Variants in RNF213 observed in about 807,000 individuals in gnomAD.
The protein encoded by RNF213 is ring finger protein 213.
Under a neutral mutation model 514.4 loss-of-function variants are expected in RNF213, and 341 were observed. The observed-to-expected ratio is 0.66, with a 90% confidence interval of 0.61 to 0.73. RNF213 has a LOEUF of 0.73. Ranked by LOEUF, RNF213 falls within the 30% of genes least tolerant of loss-of-function variation. RNF213 has a pLI of 0.00. For synonymous variants in RNF213, 2,655 were observed against 2,658.2 expected (o/e 1.00, Z 0.04); for missense variants, 5,767 against 6,615.6 (o/e 0.87, Z 4.45).
intron 3 of RNF213, chr17:80,278,652 C>G: frequency 7.3e-7 from 1 of 1,367,910 alleles, no homozygotes; most frequent in Admixed American, 2.1e-5. Context: ...GTGTCCCTGC[C>G]TGGGCCTTCC....
At position 80,344,756 on chromosome 17, in the gene RNF213, A is replaced by G. The variant is rs1456515683; in HGVS notation, c.6421A>G (p.Met2141Val). Residue 2141 changes from methionine (M) to valine (V), a missense_variant, in exon 29 of 68, where the codon ATG becomes GTG. Met to Val is a conservative substitution (Grantham distance 21). Coordinates refer to ENST00000582970, the MANE Select transcript of RNF213 (RefSeq NM_001256071.3). ...CAGGCCTCCCAAAGAGGTGATAGAC[A>G]TGGAGCTGAGTGCCCTGAGGAGTGA... is the stretch of plus-strand genomic sequence containing the variant. ...TCRPPKEVID[M>V]ELSALRSDTE... 2.5e-5 allele frequency: 40 copies of G among 1,614,070 alleles called. No individual in the cohort carries two copies. In the Admixed American group the frequency reaches 6.5e-4, roughly 26 times the overall value.
rs1568150062 is a variant in RNF213 at position 80,372,560 on chromosome 17, GA to G, written c.12578del (p.Asp4193ValfsTer3). On this transcript the variant is annotated frameshift_variant, in exon 48 of 68. Transcript: ENST00000582970. LOFTEE classifies it high-confidence loss of function. Reference sequence around the variant, plus strand: ...GAAGACCAGTGCTTACTCCAGAAATGATGAACTGAACCACCTAGAAGAGGAA... The same window carrying G: ...GAAGACCAGTGCTTACTCCAGAAATGTGAACTGAACCACCTAGAAGAGGAA... ...LEKTSAYSRN[D>X]ELNHLEEEGR... is the part of the protein sequence containing the mutation. 1 of 1,613,976 alleles carries G rather than the reference GA, an allele frequency of 6.2e-7. No homozygotes were observed. The highest frequency in any genetic ancestry group is 1.7e-5 in the Admixed American group (1 of 59,992).
At chr17:80,310,612 G>A (rs1234688013) in intron 14 of RNF213, among the ~76,000 whole-genome samples, 2 of 151,734 alleles carry the variant, frequency 1.3e-5, no homozygotes, top group South Asian at 4.2e-4. Flanking sequence ...TAGTGCAATG[G>A]CGTGATCTCG....
rs888460534 is a variant in RNF213, at chr17:80,276,089, T to A, written c.261+2685T>A. Among the ~76,000 whole-genome samples the A allele has an allele frequency of 3.0e-4, 45 of 148,090 alleles. No homozygotes were observed. The East Asian group carries it at 3.2e-3, about 10-fold the overall frequency. On this transcript the variant is annotated intron_variant, in intron 3 of 67. Transcript: ENST00000582970. ...TATTTATTTATTTATTTATTTATTT[T>A]TTGTTTTATTTATTTATTTATTTAT...
intron 18 of RNF213, among the ~76,000 whole-genome samples, chr17:80,327,292 G>A (rs1329688730): frequency 6.6e-6 from 1 of 152,210 alleles, no homozygotes; most frequent in African/African-American, 2.4e-5. Flanking sequence ...GAGCCCAGGA[G>A]TTTGAGACCA....
intron 11 of RNF213, among the ~76,000 whole-genome samples, chr17:80,301,922 T>C (rs545734816): frequency 2.0e-5 from 3 of 152,326 alleles, no homozygotes; most frequent in African/African-American, 7.2e-5. Flanking sequence ...AAGTGTTGTC[T>C]ATATACACAG....
At chr17:80,387,492 C>A (rs958481055) in intron 63 of RNF213, among the ~76,000 whole-genome samples, 5 of 152,252 alleles carry the variant, frequency 3.3e-5, no homozygotes, top group African/African-American at 9.6e-5. Context: ...AACCTGCCAG[C>A]AGATGCCATT....
intron 22 of RNF213, among the ~76,000 whole-genome samples, chr17:80,335,321 G>A (rs556133698): frequency 6.6e-6 from 1 of 152,274 alleles, no homozygotes; most frequent in South Asian, 2.1e-4. Context: ...TGGCAGAGGA[G>A]AGAGGAAGAG....
intron 55 of RNF213, among the ~76,000 whole-genome samples, 180 bp from the exon 56 acceptor site, chr17:80,380,651 G>A (rs573391180): frequency 1.3e-4 from 20 of 152,300 alleles, no homozygotes; most frequent in East Asian, 3.9e-4. Context: ...CTGGTCCACC[G>A]GAAAGGCGAG....
chr17:80,291,837 G>A lies in RNF213; in HGVS notation c.1471+10G>A. On this transcript the variant is annotated intron_variant, in intron 8 of 67. Transcript: ENST00000582970. ...CTTCTGGGCTCAGGAGGTAAGTCGTGGCAGCAGGCTGTCTGCTCACCCCTC... is the reference window on the plus strand; with the variant it reads ...CTTCTGGGCTCAGGAGGTAAGTCGTAGCAGCAGGCTGTCTGCTCACCCCTC... 2 of 1,614,048 alleles carry A rather than the reference G, an allele frequency of 1.2e-6. No individual in the cohort carries two copies. The highest frequency in any genetic ancestry group is 1.7e-6 in the Non-Finnish European group (2 of 1,180,016).
In RNF213 at chr17:80,319,389, A is replaced by T. The variant is rs55996424; in HGVS notation, c.3024+77A>T. The T allele has an allele frequency of 0.19, 302,279 of 1,614,060 alleles. 34,844 individuals carry two copies. The highest frequency in any genetic ancestry group is 0.62 in the East Asian group (27,742 of 44,858). ...GCCATGACCCAGCTAAGGGCTATGA[A>T]GCACCCGCTGGGTCTCAGCTCCTCC... is the stretch of plus-strand genomic sequence containing the variant. On this transcript the variant is annotated intron_variant, in intron 17 of 67. Coordinates refer to ENST00000582970, the MANE Select transcript of RNF213 (RefSeq NM_001256071.3).
rs1283732763 is a variant in RNF213 at position 80,356,935 on chromosome 17, T to C, written c.10863-1353T>C. Among the ~76,000 whole-genome samples the C allele has an allele frequency of 2.0e-5, 3 of 151,670 alleles. No homozygotes were observed. The East Asian group carries it at 5.8e-4, about 29-fold the overall frequency. On this transcript the variant is annotated intron_variant, in intron 36 of 67. Coordinates refer to ENST00000582970, the MANE Select transcript of RNF213 (RefSeq NM_001256071.3). ...ATTACCTTGTGGGGTTTTTTTTTTT[T>C]CGAGACAGAGTCTCACTCTCGTCCC...
intron 50 of RNF213, 157 bp downstream of exon 50, chr17:80,374,746 G>A (rs369097124): frequency 1.1e-4 from 89 of 834,270 alleles, no homozygotes; most frequent in Middle Eastern, 6.7e-4. Flanking sequence ...CCTCCAGGGC[G>A]CACCTGGCTA....
Position 80,263,616 on chromosome 17 carries a change from A to C in RNF213, c.-66A>C, listed in dbSNP as rs1048371583. ...GTGGTCACGTGACAGGACATGTAGT[A>C]TATAGCAGGCTGCCAGCGACTCCTG... is the stretch of plus-strand genomic sequence containing the variant. On this transcript the variant is annotated 5_prime_UTR_variant, in exon 2 of 68. Transcript: ENST00000582970. The surrounding 1 kb of genome is among the most constrained non-coding windows in gnomAD (Gnocchi z 4.9). The C allele has an allele frequency of 7.0e-5, 88 of 1,253,212 alleles. 1 individual carries two copies. The South Asian group carries it at 1.0e-3, about 15-fold the overall frequency. The allele number at this position is 1,253,212 out of a possible 1,614,324, so 77.6% of individuals were successfully genotyped here.
At chr17:80,290,499 G>C in intron 6 of RNF213, 71 bp from the exon 7 acceptor site, 1 of 1,575,868 alleles carries the variant, frequency 6.3e-7, no homozygotes, top group Non-Finnish European at 8.7e-7. Flanking sequence ...GTGTGTGTGC[G>C]CGTGTGTGCA....
At position 80,377,057 on chromosome 17, in the gene RNF213, G is replaced by A; in HGVS notation, c.13510+94G>A. ...ATTGGGTTCGACTTGGGGTCCACGT[G>A]GTTTGTGCCTCAGGGTCCAAAACCA... On this transcript the variant is annotated intron_variant, in intron 53 of 67. Coordinates refer to ENST00000582970, the MANE Select transcript of RNF213 (RefSeq NM_001256071.3). This position sits in a 1 kb window ranked among gnomAD's most constrained non-coding sequence, Gnocchi z 4.1. 1 of 999,842 alleles carries A rather than the reference G, an allele frequency of 1.0e-6. No individual in the cohort carries two copies. Among genetic ancestry groups the A allele is most frequent in the Non-Finnish European group, 1.5e-6 (1 of 645,694 alleles). 61.9% of individuals were successfully genotyped at this position (999,842 alleles called of 1,614,324 possible).
chr17:80,299,300 C>T (rs1264758728), intron 11 of RNF213, among the ~76,000 whole-genome samples: 2 of 152,124 alleles, frequency 1.3e-5, no homozygotes, highest in Non-Finnish European at 2.9e-5. Context: ...TGTGCAGTTT[C>T]GTTTTTTCAG....
chr17:80,349,357 T>C (rs187012698), intron 29 of RNF213, among the ~76,000 whole-genome samples: 2 of 152,184 alleles, frequency 1.3e-5, no homozygotes, highest in East Asian at 3.9e-4. Flanking sequence ...GGAGTGACCT[T>C]TGGGACAGGA....
intron 14 of RNF213, among the ~76,000 whole-genome samples, chr17:80,312,789 CT>C (rs1277469004): frequency 1.3e-5 from 2 of 152,172 alleles, no homozygotes. Flanking sequence ...CCCTCCCTCC[CT>C]CTTTTCTCCC....
Sources: allele counts gnomAD v4.1 joint callset (sites outside exome capture counted in the v4.1 genomes callset), GRCh38; gene constraint gnomAD v4.1.1; non-coding constraint Gnocchi (gnomAD v3.1); transcripts MANE v1.5; gene names NCBI Gene and HGNC (gene_info 2026-07-23, HGNC 2026-07-21).